ALCAM: variants seen among roughly 807,000 people sequenced by gnomAD.
ALCAM encodes the protein activated leukocyte cell adhesion molecule, also known as CD166 antigen.
ALCAM carries 30 observed loss-of-function variants against 70.9 expected under a neutral mutation model. The observed-to-expected ratio is 0.42, with a 90% CI of 0.32 to 0.57. ALCAM has a LOEUF of 0.57. Ranked by LOEUF, ALCAM falls within the 20% of genes least tolerant of loss-of-function variation. The pLI is 0.11. For missense variants in ALCAM, 591 were observed against 695.1 expected, an observed-to-expected ratio of 0.85 and a Z score of 1.68; for synonymous variants, 249 against 242.5, an observed-to-expected ratio of 1.03 and a Z score of -0.25.
At chr3:105,504,629 C>T (rs1436831076) in intron 1 of ALCAM, among the ~76,000 whole-genome samples, 1 of 152,198 alleles carries the variant, frequency 6.6e-6, no homozygotes, top group Non-Finnish European at 1.5e-5. Flanking sequence ...TCCAGCTGCT[C>T]GTTTGTTCCC....
At chr3:105,379,335 C>T (rs1199795798) in intron 1 of ALCAM, among the ~76,000 whole-genome samples, 1 of 151,790 alleles carries the variant, frequency 6.6e-6, no homozygotes, top group Non-Finnish European at 1.5e-5. Flanking sequence ...ACATTTTGGG[C>T]TTCCATAACT....
chr3:105,534,550 C>A, intron 5 of ALCAM, 113 bp from the exon 6 acceptor site: 1 of 1,003,932 alleles, frequency 1.0e-6, no homozygotes. Flanking sequence ...TTCTCTCCTG[C>A]TGAATACAGT....
rs773484652 is a variant in ALCAM, at chr3:105,547,239, G to C, written c.1195G>C (p.Val399Leu). Reference sequence around the variant, plus strand: ...TGTCTGCGAAACTGCTCTGCAGGAGGTTGAAGGACTAAAGAAAAGAGAGTC... The same window carrying C: ...TGTCTGCGAAACTGCTCTGCAGGAGCTTGAAGGACTAAAGAAAAGAGAGTC... ...NYVCETALQEVEGLKKRESLT... is the reference protein window; with the variant it reads ...NYVCETALQELEGLKKRESLT... The change falls in exon 10 of 16, where the codon GTT becomes CTT. Residue 399 changes from valine to leucine, a missense_variant. Val to Leu is a conservative substitution (Grantham distance 32). Transcript: ENST00000306107. 28 of 1,606,476 alleles carry C rather than the reference G, an allele frequency of 1.7e-5. No homozygotes were observed. The highest frequency in any genetic ancestry group is 2.3e-5 in the Non-Finnish European group (27 of 1,176,524).
At chr3:105,502,533 C>A (rs936568243) in intron 1 of ALCAM, among the ~76,000 whole-genome samples, 3 of 152,214 alleles carry the variant, frequency 2.0e-5, no homozygotes, top group African/African-American at 7.2e-5. Flanking sequence ...AGCCAGGCAG[C>A]TGCAGGTTAG....
chr3:105,378,393 T>C (rs1576120182), intron 1 of ALCAM, among the ~76,000 whole-genome samples: 1 of 151,994 alleles, frequency 6.6e-6, no homozygotes, highest in East Asian at 1.9e-4. Context: ...ACTTATACTT[T>C]ATTCTGCAAG....
chr3:105,422,587 C>T (rs935736096), intron 1 of ALCAM, among the ~76,000 whole-genome samples: 13 of 151,326 alleles, frequency 8.6e-5, no homozygotes, highest in Admixed American at 2.6e-4. Flanking sequence ...TAATTTATGG[C>T]GCTGTTGTAA....
chr3:105,411,266 G>C lies in ALCAM; in HGVS notation c.73+43785G>C, dbSNP rs189946250. Among the ~76,000 whole-genome samples the C allele has an allele frequency of 5.3e-5, 8 of 152,174 alleles. No homozygotes were observed. In the East Asian group the frequency reaches 1.4e-3, roughly 26 times the overall value. ...GAACCCAGCTCAACTGTGCAATTCA[G>C]AAGAGCTGGGAGTTAGGAGGAGGTT... On this transcript the variant is annotated intron_variant, in intron 1 of 15. Coordinates refer to ENST00000306107, the MANE Select transcript of ALCAM (RefSeq NM_001627.4).
chr3:105,460,736 G>C (rs188381433), intron 1 of ALCAM, among the ~76,000 whole-genome samples: 70 of 151,954 alleles, frequency 4.6e-4, no homozygotes, highest in African/African-American at 1.6e-3. Context: ...GGAAATATTT[G>C]GGTACAGAGA....
chr3:105,470,132 TACACACAC>T (rs35560211), intron 1 of ALCAM, among the ~76,000 whole-genome samples: 6 of 145,744 alleles, frequency 4.1e-5, no homozygotes, highest in East Asian at 2.0e-4. Context: ...GTTATATACA[TACACACAC>T]ACACACACAC....
intron 1 of ALCAM, among the ~76,000 whole-genome samples, chr3:105,465,558 T>G (rs886152389): frequency 6.6e-6 from 1 of 151,502 alleles, no homozygotes; most frequent in African/African-American, 2.4e-5. Context: ...TGTTACCAGT[T>G]TTAGCAGAAA....
Position 105,368,074 on chromosome 3 carries a change from G to A in ALCAM, c.73+593G>A, listed in dbSNP as rs536366067. Among the ~76,000 whole-genome samples the A allele has an allele frequency of 4.7e-4, 71 of 151,946 alleles. 1 individual carries two copies. The highest frequency in any genetic ancestry group is 1.6e-3 in the African/African-American group (65 of 41,432). On this transcript the variant is annotated intron_variant, in intron 1 of 15. Coordinates refer to ENST00000306107, the MANE Select transcript of ALCAM (RefSeq NM_001627.4). ...TGCGGTCCCCGTCCATTGTCTGGGC[G>A]GGTGGTGAGTGAAAGGGTGACCGCA...
chr3:105,508,908 T>A (rs1031700802), intron 1 of ALCAM, among the ~76,000 whole-genome samples: 5 of 140,772 alleles, frequency 3.6e-5, no homozygotes, highest in African/African-American at 1.2e-4. Context: ...GTAATCACCA[T>A]CCACTCTCTG....
intron 1 of ALCAM, among the ~76,000 whole-genome samples, chr3:105,505,130 T>A (rs1269102002): frequency 6.6e-6 from 1 of 152,228 alleles, no homozygotes; most frequent in East Asian, 1.9e-4. Context: ...TAGATTTTTA[T>A]CTCCTTGGAA....
intron 1 of ALCAM, among the ~76,000 whole-genome samples, chr3:105,379,245 T>C (rs1051803385): frequency 3.3e-5 from 5 of 152,004 alleles, no homozygotes; most frequent in Non-Finnish European, 5.9e-5. Context: ...AGTAACCTAA[T>C]AATATCAGTT....
chr3:105,430,798 A>C (rs1212468828), intron 1 of ALCAM, among the ~76,000 whole-genome samples: 1 of 152,116 alleles, frequency 6.6e-6, no homozygotes, highest in African/African-American at 2.4e-5. Context: ...GTTTGGATTT[A>C]TGCTCTGCAT....
At chr3:105,391,076 G>T (rs996882733) in intron 1 of ALCAM, among the ~76,000 whole-genome samples, 1 of 151,896 alleles carries the variant, frequency 6.6e-6, no homozygotes, top group Admixed American at 6.6e-5. Context: ...TTGGCTATAT[G>T]GGCACTTTTT....
At chr3:105,401,985 G>A (rs1459993329) in intron 1 of ALCAM, among the ~76,000 whole-genome samples, 2 of 151,554 alleles carry the variant, frequency 1.3e-5, no homozygotes, top group Non-Finnish European at 2.9e-5. Flanking sequence ...ACGACTGCTT[G>A]AAAAAAACAG....
intron 1 of ALCAM, among the ~76,000 whole-genome samples, chr3:105,443,482 A>G (rs1937224173): frequency 1.3e-5 from 2 of 152,232 alleles, no homozygotes; most frequent in South Asian, 2.1e-4. Flanking sequence ...TAGGTATCTA[A>G]AAGACATTGA....
intron 3 of ALCAM, among the ~76,000 whole-genome samples, chr3:105,528,148 T>A (rs1939752803): frequency 6.6e-6 from 1 of 152,182 alleles, no homozygotes; most frequent in Non-Finnish European, 1.5e-5. Flanking sequence ...AATTGAGCTA[T>A]CCTATGTGTG....
Sources: allele counts gnomAD v4.1 joint callset (sites outside exome capture counted in the v4.1 genomes callset), GRCh38; gene constraint gnomAD v4.1.1; transcripts MANE v1.5; gene names NCBI Gene and HGNC (gene_info 2026-07-23, HGNC 2026-07-21).